Variants in FGFR1 observed in about 807,000 individuals in gnomAD.
FGFR1 encodes the protein fibroblast growth factor receptor 1.
FGFR1 carries 18 observed loss-of-function variants against 93.7 expected under a neutral mutation model. The observed-to-expected ratio is 0.19, with a 90% CI of 0.13 to 0.28. FGFR1 has a LOEUF of 0.28. Ranked by LOEUF, FGFR1 falls within the 10% of genes least tolerant of loss-of-function variation. The pLI is 1.00. For synonymous variants in FGFR1, 448 were observed against 429.3 expected (o/e 1.04, Z -0.54); for missense variants, 731 against 1,080.4 (o/e 0.68, Z 4.53).
At position 38,414,852 on chromosome 8, in the gene FGFR1, T is replaced by A. The variant is rs544967630; in HGVS notation, c.1904A>T (p.Asn635Ile). ...GCCAAAGTCTGCTATCTTCATCACATTGTCCTCTGTCACCAGGACATTCCT... is the reference window on the plus strand; with the variant it reads ...GCCAAAGTCTGCTATCTTCATCACAATGTCCTCTGTCACCAGGACATTCCT... ...AARNVLVTED[N>I]VMKIADFGLA... Residue 635 changes from asparagine to isoleucine, a missense_variant, in exon 14 of 18, where the codon AAT becomes ATT. By Grantham distance (149) the Asn-to-Ile change is moderately radical (BLOSUM62 -3). This residue lies in a region of FGFR1 where 44 missense variants were observed against 99.9 expected (regional missense o/e 0.44). Coordinates refer to ENST00000447712, the MANE Select transcript of FGFR1 (RefSeq NM_023110.3). The A allele has an allele frequency of 6.2e-7, 1 of 1,613,786 alleles. No homozygotes were observed. The highest frequency in any genetic ancestry group is 8.5e-7 in the Non-Finnish European group (1 of 1,179,950).
At chr8:38,467,068 G>C (rs909658403) in intron 1 of FGFR1, among the ~76,000 whole-genome samples, 5 of 151,974 alleles carry the variant, frequency 3.3e-5, no homozygotes, top group African/African-American at 1.2e-4. Context: ...AGAGGGGTCT[G>C]GGCCAGAGAA....
intron 2 of FGFR1, among the ~76,000 whole-genome samples, chr8:38,445,163 G>A (rs1828903000): frequency 6.6e-6 from 1 of 152,198 alleles, no homozygotes; most frequent in South Asian, 2.1e-4. Context: ...CCCATCGTGA[G>A]CACAAAGCTC....
chr8:38,417,424 G>T lies in FGFR1; in HGVS notation c.1553-8C>A. The T allele has an allele frequency of 6.2e-7, 1 of 1,611,044 alleles. No individual in the cohort carries two copies. The highest frequency in any genetic ancestry group is 8.5e-7 in the Non-Finnish European group (1 of 1,177,656). Reference sequence around the variant, plus strand: ...CTTTCTCTGTTGCGTCCGCTTTAAAGAACACGTTGAGACTCATTTACTTGG... The same window carrying T: ...CTTTCTCTGTTGCGTCCGCTTTAAATAACACGTTGAGACTCATTTACTTGG... On this transcript the variant is annotated splice_polypyrimidine_tract_variant and splice_region_variant and intron_variant, in intron 11 of 17. Transcript: ENST00000447712.
chr8:38,459,959 G>C (rs1033768085), intron 1 of FGFR1, among the ~76,000 whole-genome samples: 3 of 152,182 alleles, frequency 2.0e-5, no homozygotes, highest in African/African-American at 4.8e-5. Context: ...TGAGGCGGGA[G>C]TATCACCTGA....
At chr8:38,464,748 C>T (rs140957115) in intron 1 of FGFR1, among the ~76,000 whole-genome samples, 1 of 152,284 alleles carries the variant, frequency 6.6e-6, no homozygotes, top group Non-Finnish European at 1.5e-5. Context: ...ATGTGAGGCC[C>T]TTTCAGAATA....
chr8:38,431,378 G>A (rs765976061), intron 2 of FGFR1, among the ~76,000 whole-genome samples: 3 of 152,236 alleles, frequency 2.0e-5, no homozygotes, highest in African/African-American at 4.8e-5. Flanking sequence ...GTGCGGTGAT[G>A]TGTCATCGGT....
rs573344794 is a variant in FGFR1 at position 38,413,691 on chromosome 8, G to T, written c.2406C>A (p.Pro802=). The T allele has an allele frequency of 6.2e-7, 1 of 1,613,618 alleles. No individual in the cohort carries two copies. The highest frequency in any genetic ancestry group is 1.3e-5 in the African/African-American group (1 of 75,036). The change falls in exon 18 of 18, where the codon CCC becomes CCA. Residue 802 remains proline (P), a synonymous_variant. Coordinates refer to ENST00000447712, the MANE Select transcript of FGFR1 (RefSeq NM_023110.3). The surrounding 1 kb of genome is among the most constrained non-coding windows in gnomAD (Gnocchi z 4.2). ...GGTGTCGGGGCAGGCAGGGCTCCTC[G>T]GGCAGCGGCTCATGAGAGAAGACGG... ...EDSVFSHEPL[P]EEPCLPRHPA... is the part of the protein sequence containing the mutation.
rs140382957 is a variant in FGFR1, at chr8:38,429,720, G to T, written c.320C>A (p.Ser107Ter). 1 of 1,577,186 alleles carries T rather than the reference G, an allele frequency of 6.3e-7. No homozygotes were observed. Among genetic ancestry groups the T allele is most frequent in the Non-Finnish European group, 8.6e-7 (1 of 1,161,132 alleles). ...GGAGAAGTAGGTGGTGTCACTGCCC[G>T]AGGGGCTGCTGGTTACGCAAGCATA... is the stretch of plus-strand genomic sequence containing the variant. Reference protein sequence around the residue: ...GLYACVTSSPSGSDTTYFSVN... With the variant: ...GLYACVTSSP The change falls in exon 3 of 18, where the codon TCG becomes TAG. Residue 107 changes from serine (S) to a stop codon, truncating the protein, a stop_gained. Transcript: ENST00000447712. LOFTEE classifies it high-confidence loss of function. This position sits in a 1 kb window ranked among gnomAD's most constrained non-coding sequence, Gnocchi z 4.4.
intron 2 of FGFR1, among the ~76,000 whole-genome samples, chr8:38,442,356 T>TA (rs1827778346): frequency 7.5e-6 from 1 of 133,514 alleles, no homozygotes; most frequent in East Asian, 2.2e-4. Flanking sequence ...ACCAAGTTGT[T>TA]AAAGTGGTGT....
At chr8:38,422,223 C>T (rs571619444) in intron 7 of FGFR1, 63 of 492,882 alleles carry the variant, frequency 1.3e-4, no homozygotes, top group South Asian at 3.3e-4. Context: ...AGCATGCGGG[C>T]GGTGAGCGGC....
chr8:38,423,222 G>A (rs1586262868), intron 7 of FGFR1: 1 of 771,750 alleles, frequency 1.3e-6, no homozygotes, highest in East Asian at 2.4e-5. Context: ...AAGCTGAGAT[G>A]TGGCCACGCA....
chr8:38,456,713 A>G (rs1307522448), intron 2 of FGFR1, among the ~76,000 whole-genome samples: 1 of 152,106 alleles, frequency 6.6e-6, no homozygotes. Flanking sequence ...TGGGACTAGC[A>G]GCGTGCACCA....
intron 2 of FGFR1, among the ~76,000 whole-genome samples, chr8:38,449,945 A>G (rs1830526771): frequency 6.6e-6 from 1 of 152,254 alleles, no homozygotes; most frequent in Non-Finnish European, 1.5e-5. Flanking sequence ...TCTTGGTGCC[A>G]CACTGGCAAT....
intron 12 of FGFR1, among the ~76,000 whole-genome samples, chr8:38,417,019 G>C (rs543683167): frequency 6.6e-6 from 1 of 152,174 alleles, no homozygotes; most frequent in Admixed American, 6.5e-5. Flanking sequence ...CTCCCAAATT[G>C]CTGGGATTAC....
chr8:38,431,414 C>T (rs1207852926), intron 2 of FGFR1, among the ~76,000 whole-genome samples: 9 of 152,232 alleles, frequency 5.9e-5, no homozygotes, highest in African/African-American at 1.4e-4. Context: ...GCACCTACTA[C>T]GATGCCTGGC....
chr8:38,446,854 C>T (rs1311221872), intron 2 of FGFR1, among the ~76,000 whole-genome samples: 1 of 152,148 alleles, frequency 6.6e-6, no homozygotes, highest in Non-Finnish European at 1.5e-5. Context: ...TGCGTCCAGG[C>T]AATACCCATA....
intron 1 of FGFR1, chr8:38,461,021 C>T (rs2151423584): frequency 6.6e-7 from 1 of 1,518,214 alleles, no homozygotes; most frequent in Non-Finnish European, 8.8e-7. Flanking sequence ...TGCCTGCATG[C>T]AGAGGTCCTC....
intron 1 of FGFR1, among the ~76,000 whole-genome samples, chr8:38,458,298 C>T (rs969231097): frequency 4.6e-5 from 7 of 151,888 alleles, no homozygotes; most frequent in Non-Finnish European, 8.8e-5. Context: ...CCCAGCACTT[C>T]GGGAGGCTAA....
At chr8:38,467,723 T>C (rs1323777847) in intron 1 of FGFR1, 5 of 232,744 alleles carry the variant, frequency 2.1e-5, no homozygotes, top group African/African-American at 6.6e-5. Context: ...GGAGGAAAAG[T>C]TGGGCGGCGG....
Sources: allele counts gnomAD v4.1 joint callset (sites outside exome capture counted in the v4.1 genomes callset), GRCh38; gene constraint gnomAD v4.1.1; regional missense constraint gnomAD v4.1.1; non-coding constraint Gnocchi (gnomAD v3.1); transcripts MANE v1.5; gene names NCBI Gene and HGNC (gene_info 2026-07-23, HGNC 2026-07-21).